Variants in PRUNE2 observed in about 807,000 individuals in gnomAD.
The protein encoded by PRUNE2 is prune homolog 2 with BCH domain.
PRUNE2 carries 164 observed loss-of-function variants against 252.0 expected under a neutral mutation model. The ratio of observed to expected loss-of-function variants is 0.65; its 90% CI spans 0.57 to 0.74. The LOEUF (loss-of-function observed/expected upper bound fraction) is 0.74, where lower values mean the gene tolerates loss of function less well. Among genes scored for constraint, PRUNE2 ranks in the 30% least tolerant of loss-of-function variants. PRUNE2 has a pLI of 0.00. For synonymous variants in PRUNE2, 1,292 were observed against 1,350.2 expected (o/e 0.96, Z 0.94); for missense variants, 3,495 against 3,711.0 (o/e 0.94, Z 1.51).
At chr9:76,829,449 C>T (rs1051998469) in intron 4 of PRUNE2, among the ~76,000 whole-genome samples, 4 of 152,118 alleles carry the variant, frequency 2.6e-5, no homozygotes, top group African/African-American at 9.7e-5. Context: ...TATCCTAGGA[C>T]AAGGGTTGGA....
intron 9 of PRUNE2, among the ~76,000 whole-genome samples, chr9:76,673,347 A>G (rs2133989239): frequency 7.0e-6 from 1 of 143,848 alleles, no homozygotes; most frequent in East Asian, 2.0e-4. Context: ...TCCCAAGACT[A>G]AACCAGGAAG....
At chr9:76,799,499 AG>A (rs372170671) in intron 6 of PRUNE2, among the ~76,000 whole-genome samples, 16 of 152,204 alleles carry the variant, frequency 1.1e-4, no homozygotes, top group African/African-American at 3.9e-4. Context: ...TGAACAAGGA[AG>A]AATATGATGT....
At chr9:76,734,368 A>T (rs2048895166) in intron 6 of PRUNE2, among the ~76,000 whole-genome samples, 2 of 152,218 alleles carry the variant, frequency 1.3e-5, no homozygotes, top group South Asian at 4.1e-4. Context: ...TACAGGAAAA[A>T]AGATGGTGAG....
chr9:76,661,089 G>T (rs1018612507), intron 9 of PRUNE2, among the ~76,000 whole-genome samples: 1 of 152,040 alleles, frequency 6.6e-6, no homozygotes, highest in African/African-American at 2.4e-5. Flanking sequence ...CTGAGATTTG[G>T]GGTTGTCATA....
intron 5 of PRUNE2, among the ~76,000 whole-genome samples, chr9:76,824,971 A>G (rs1289526447): frequency 6.6e-6 from 1 of 152,214 alleles, no homozygotes; most frequent in East Asian, 1.9e-4. Flanking sequence ...AAGGACATGC[A>G]CATCTATGCA....
At position 76,707,703 on chromosome 9, in the gene PRUNE2, C is replaced by G. The variant is rs749088112; in HGVS notation, c.4571G>C (p.Gly1524Ala). ...DVKGSENSLPGAGSSGNFDRD... is the reference protein window; with the variant it reads ...DVKGSENSLPAAGSSGNFDRD... ...GTCAAAATTTCCAGACGAACCGGCT[C>G]CTGGAAGGCTATTTTCAGACCCCTT... Residue 1524 changes from glycine (G) to alanine (A), a missense_variant, in exon 8 of 19, where the codon GGA becomes GCA. Physicochemically the swap from Gly to Ala is moderately conservative, Grantham distance 60. Transcript: ENST00000376718. 5.4e-5 allele frequency: 87 copies of G among 1,613,752 alleles called. No individual in the cohort carries two copies. The highest frequency in any genetic ancestry group is 7.3e-5 in the Non-Finnish European group (86 of 1,179,868).
intron 6 of PRUNE2, among the ~76,000 whole-genome samples, chr9:76,754,959 G>T (rs1200854690): frequency 9.2e-6 from 1 of 108,802 alleles, no homozygotes; most frequent in Admixed American, 9.9e-5. Context: ...AGTGAGACTC[G>T]GTCTCAAAAA....
At chr9:76,669,486 A>AT (rs1406657182) in intron 9 of PRUNE2, among the ~76,000 whole-genome samples, 3 of 152,004 alleles carry the variant, frequency 2.0e-5, no homozygotes, top group Non-Finnish European at 4.4e-5. Flanking sequence ...CACCCAGCTA[A>AT]TTTTTGTATT....
Position 76,655,440 on chromosome 9 carries a change from G to A in PRUNE2, c.8339C>T (p.Ala2780Val). 1 of 1,611,910 alleles carries A rather than the reference G, an allele frequency of 6.2e-7. No individual in the cohort carries two copies. The highest frequency in any genetic ancestry group is 8.5e-7 in the Non-Finnish European group (1 of 1,178,840). The change falls in exon 10 of 19, where the codon GCT becomes GTT. Residue 2780 changes from alanine (A) to valine (V), a missense_variant. By Grantham distance (64) the Ala-to-Val change is moderately conservative. Coordinates refer to ENST00000376718, the MANE Select transcript of PRUNE2 (RefSeq NM_015225.3). ...PFEEGVLSPS[A>V]ADMRPEPPNS... Reference sequence around the variant, plus strand: ...GCTCTCACCAGGCCTCATGTCTGCAGCACTGGGACTCAGCACGCCCTCTTC... The same window carrying A: ...GCTCTCACCAGGCCTCATGTCTGCAACACTGGGACTCAGCACGCCCTCTTC...
At position 76,825,343 on chromosome 9, in the gene PRUNE2, C is replaced by T. The variant is rs1439151398; in HGVS notation, c.661+1237G>A. 3.3e-5 allele frequency among the ~76,000 whole-genome samples: 5 copies of T among 152,172 alleles called. No homozygotes were observed. The East Asian group carries it at 7.7e-4, about 23-fold the overall frequency. On this transcript the variant is annotated intron_variant, in intron 5 of 18. Coordinates refer to ENST00000376718, the MANE Select transcript of PRUNE2 (RefSeq NM_015225.3). The stretch of plus-strand genomic sequence containing the variant: ...TCAGCTCCTGGAGCCGAGATGAGCA[C>T]ACCACTGCATCCCTCAGGTGGGACA...
At chr9:76,900,802 C>T (rs1202663043) in intron 1 of PRUNE2, among the ~76,000 whole-genome samples, 3 of 152,132 alleles carry the variant, frequency 2.0e-5, no homozygotes, top group Non-Finnish European at 2.9e-5. Flanking sequence ...GTAACATTCA[C>T]GGAGGGGTAG....
At chr9:76,746,745 C>CAAAAAA (rs2050160637) in intron 6 of PRUNE2, among the ~76,000 whole-genome samples, 1 of 145,422 alleles carries the variant, frequency 6.9e-6, no homozygotes, top group Non-Finnish European at 1.5e-5. Context: ...AAAAAAACCC[C>CAAAAAA]AAAGAGCAGG....
chr9:76,727,674 G>A (rs1439700039), intron 6 of PRUNE2, among the ~76,000 whole-genome samples: 2 of 46,918 alleles, frequency 4.3e-5, no homozygotes, highest in South Asian at 7.9e-4. Flanking sequence ...AAGCAAAGTT[G>A]TACTATTATT....
intron 2 of PRUNE2, 113 bp from the exon 3 acceptor site, chr9:76,850,778 A>C: frequency 1.4e-6 from 1 of 738,888 alleles, no homozygotes; most frequent in Non-Finnish European, 2.3e-6. Flanking sequence ...TTCTGGCCTC[A>C]CTAAACCACT....
intron 6 of PRUNE2, among the ~76,000 whole-genome samples, chr9:76,729,035 T>C (rs1588885578): frequency 6.6e-6 from 1 of 152,328 alleles, no homozygotes; most frequent in Middle Eastern, 3.4e-3. Flanking sequence ...TTCTACCTTA[T>C]GTATGTTAGA....
At chr9:76,716,600 T>C (rs537336382) in intron 6 of PRUNE2, among the ~76,000 whole-genome samples, 4 of 152,338 alleles carry the variant, frequency 2.6e-5, no homozygotes, top group African/African-American at 7.2e-5. Context: ...ATTTAGCAGG[T>C]TGGGCACTGG....
intron 6 of PRUNE2, among the ~76,000 whole-genome samples, chr9:76,754,310 T>C (rs2050907954): frequency 6.6e-6 from 1 of 152,198 alleles, no homozygotes; most frequent in South Asian, 2.1e-4. Flanking sequence ...CTATCTCTGC[T>C]GTGTTAGGAC....
At chr9:76,830,417 G>A (rs1476392656) in intron 4 of PRUNE2, among the ~76,000 whole-genome samples, 1 of 152,090 alleles carries the variant, frequency 6.6e-6, no homozygotes, top group East Asian at 1.9e-4. Flanking sequence ...CTTTGGAGGT[G>A]GAGGTGGGTA....
intron 3 of PRUNE2, among the ~76,000 whole-genome samples, chr9:76,848,743 C>A (rs1440414756): frequency 6.6e-6 from 1 of 152,204 alleles, no homozygotes; most frequent in Non-Finnish European, 1.5e-5. Context: ...TCTTTGATGG[C>A]AGAGAATTTG....
Sources: allele counts gnomAD v4.1 joint callset (sites outside exome capture counted in the v4.1 genomes callset), GRCh38; gene constraint gnomAD v4.1.1; transcripts MANE v1.5; gene names NCBI Gene and HGNC (gene_info 2026-07-23, HGNC 2026-07-21).